The following PALD1 variants were observed in gnomAD, a reference collection of about 807,000 sequenced individuals.
PALD1 encodes paladin.
In PALD1, 57 loss-of-function variants were observed where a neutral mutation model predicts 96.0. The ratio of observed to expected loss-of-function variants is 0.59; its 90% confidence interval spans 0.48 to 0.74. The LOEUF (loss-of-function observed/expected upper bound fraction) is 0.74. Ranked by LOEUF, PALD1 falls within the 30% of genes least tolerant of loss-of-function variation. PALD1 has a pLI of 0.00. For synonymous variants in PALD1, 464 were observed against 473.6 expected (o/e 0.98, Z 0.26); for missense variants, 1,063 against 1,143.7 (o/e 0.93, Z 1.02).
At chr10:70,477,392 A>C (rs1057297146), upstream of PALD1, among the ~76,000 whole-genome samples, 8 of 152,210 alleles carry the variant, frequency 5.3e-5, no homozygotes, top group Admixed American at 5.2e-4. Context: ...ACAGCCAGTA[A>C]ATTGTGAGCC....
chr10:70,475,758 G>A (rs1023210175), upstream of PALD1, among the ~76,000 whole-genome samples: 1 of 152,116 alleles, frequency 6.6e-6, no homozygotes, highest in African/African-American at 2.4e-5. Context: ...ACTGAACTTG[G>A]GAGCTCTCTC....
intron 19 of PALD1, among the ~76,000 whole-genome samples, chr10:70,564,920 A>G (rs1847814413): frequency 6.6e-6 from 1 of 152,130 alleles, no homozygotes; most frequent in Admixed American, 6.5e-5. Context: ...GTGCTCCGCG[A>G]GGGCCTAGGG....
the PALD1 span, among the ~76,000 whole-genome samples, chr10:70,470,985 T>G: frequency 3.9e-4 from 60 of 152,028 alleles, no homozygotes; most frequent in African/African-American, 1.3e-3. Context: ...TTTTTTTTTT[T>G]TTTGTGGTAC....
At chr10:70,520,690 T>C (rs931901789) in intron 1 of PALD1, among the ~76,000 whole-genome samples, 149 of 107,440 alleles carry the variant, frequency 1.4e-3, no homozygotes, top group South Asian at 3.2e-3. Context: ...TCTTTCTTTT[T>C]TTTTTTTTTT....
rs373563162 is a variant in PALD1 at position 70,536,387 on chromosome 10, G to T, written c.1228-1424G>T. On this transcript the variant is annotated intron_variant, in intron 10 of 19. Transcript: ENST00000263563. ...ACAGAGTCCCTGGAATGTCACCCCTGCTGTGATTTACTAAACAGTCCCCCT... is the reference window on the plus strand; with the variant it reads ...ACAGAGTCCCTGGAATGTCACCCCTTCTGTGATTTACTAAACAGTCCCCCT... Among the ~76,000 whole-genome samples the T allele has an allele frequency of 7.6e-4, 115 of 152,302 alleles. 2 individuals are homozygous for T. In the South Asian group the frequency reaches 0.023, roughly 31 times the overall value.
the PALD1 span, among the ~76,000 whole-genome samples, chr10:70,473,212 C>T: frequency 3.9e-5 from 6 of 152,218 alleles, no homozygotes; most frequent in African/African-American, 1.4e-4. Flanking sequence ...ATCGTGCTTC[C>T]CCAGCACCCT....
At chr10:70,566,511 C>A (rs1847856613) in intron 19 of PALD1, 70 bp from the exon 20 acceptor site, 16 of 1,208,706 alleles carry the variant, frequency 1.3e-5, no homozygotes, top group Non-Finnish European at 1.9e-5. Flanking sequence ...GACTCATCTT[C>A]AGAACTCAGT....
chr10:70,472,847 A>G, the PALD1 span, among the ~76,000 whole-genome samples: 1,126 of 152,294 alleles, frequency 7.4e-3, 16 homozygotes, highest in South Asian at 0.052. Context: ...AGCATTGGAG[A>G]GGAATCTTCT....
chr10:70,499,693 G>A (rs890566380), intron 1 of PALD1, among the ~76,000 whole-genome samples: 50 of 152,202 alleles, frequency 3.3e-4, no homozygotes, highest in Admixed American at 1.8e-3. Flanking sequence ...TTGCTCCCCT[G>A]CCCGAAGCTG....
intron 1 of PALD1, among the ~76,000 whole-genome samples, chr10:70,514,127 G>C (rs7906794): frequency 6.6e-6 from 1 of 152,192 alleles, no homozygotes; most frequent in Non-Finnish European, 1.5e-5. Context: ...TCTGCGGGCC[G>C]TCCGGTCATT....
At chr10:70,476,836 C>T (rs1364987310), upstream of PALD1, among the ~76,000 whole-genome samples, 3 of 152,030 alleles carry the variant, frequency 2.0e-5, no homozygotes, top group Non-Finnish European at 2.9e-5. Context: ...AGAGGCACAC[C>T]GCCGTGGATC....
At chr10:70,512,173 C>G (rs1846528345) in intron 1 of PALD1, among the ~76,000 whole-genome samples, 1 of 152,210 alleles carries the variant, frequency 6.6e-6, no homozygotes, top group Non-Finnish European at 1.5e-5. Flanking sequence ...CATAGCAGTA[C>G]TGTTAGCCTG....
At chr10:70,470,139 T>A in the PALD1 span, among the ~76,000 whole-genome samples, 1 of 152,206 alleles carries the variant, frequency 6.6e-6, no homozygotes, top group Non-Finnish European at 1.5e-5. Context: ...CATCGTATTC[T>A]GATGGCAGAA....
chr10:70,564,434 A>G lies in PALD1; in HGVS notation c.2333A>G (p.Tyr778Cys), dbSNP rs1473822842. The G allele has an allele frequency of 6.2e-7, 1 of 1,614,116 alleles. No homozygotes were observed. Among genetic ancestry groups the G allele is most frequent in the South Asian group, 1.1e-5 (1 of 91,080 alleles). ...QLRSLQYLERYVCLILFNAYL... is the reference protein window; with the variant it reads ...QLRSLQYLERCVCLILFNAYL... Reference sequence around the variant, plus strand: ...CGGAGCCTGCAGTACTTGGAGCGCTATGTCTGCCTGATTCTCTTCAACGCG... The same window carrying G: ...CGGAGCCTGCAGTACTTGGAGCGCTGTGTCTGCCTGATTCTCTTCAACGCG... Residue 778 changes from tyrosine to cysteine, a missense_variant, in exon 19 of 20, where the codon TAT (tyrosine) becomes TGT (cysteine). Physicochemically the swap from Tyr to Cys is radical, Grantham distance 194 (BLOSUM62 -2). Transcript: ENST00000263563.
chr10:70,539,136 G>C lies in PALD1; in HGVS notation c.1614G>C (p.Arg538Ser). 1 of 1,613,822 alleles carries C rather than the reference G, an allele frequency of 6.2e-7. No individual in the cohort carries two copies. The highest frequency in any genetic ancestry group is 8.5e-7 in the Non-Finnish European group (1 of 1,179,850). The change falls in exon 14 of 20, where the codon AGG becomes AGC. Residue 538 changes from arginine (R) to serine (S), a missense_variant. Transcript: ENST00000263563. This position sits in a 1 kb window ranked among gnomAD's most constrained non-coding sequence, Gnocchi z 4.5. ...ILAYLTDAKR[R>S]LRKVVWVSLR... ...CCTACCTGACGGACGCCAAGAGGAG[G>C]CTGCGGAAGGTTGTCTGGGTGAGCC... is the stretch of plus-strand genomic sequence containing the variant.
At chr10:70,466,031 G>C in the PALD1 span, among the ~76,000 whole-genome samples, 5 of 152,194 alleles carry the variant, frequency 3.3e-5, no homozygotes, top group East Asian at 9.6e-4. Context: ...GGCTGTCACC[G>C]GGGAGGCTGG....
the PALD1 span, among the ~76,000 whole-genome samples, chr10:70,458,585 C>T: frequency 3.3e-5 from 5 of 152,188 alleles, no homozygotes; most frequent in African/African-American, 9.6e-5. Flanking sequence ...TCCCGCCGGG[C>T]GGGTGGCGTT....
At chr10:70,534,173 G>A (rs1847058265) in intron 8 of PALD1, 100 bp downstream of exon 8, 1 of 1,360,250 alleles carries the variant, frequency 7.4e-7, no homozygotes, top group Non-Finnish European at 9.8e-7. Flanking sequence ...CAGAGCCAGA[G>A]CTGGAAATTT....
the PALD1 span, among the ~76,000 whole-genome samples, chr10:70,459,802 C>A: frequency 1.3e-5 from 2 of 152,074 alleles, no homozygotes; most frequent in Admixed American, 1.3e-4. Flanking sequence ...TCCTCCGTTC[C>A]CCCACGTACT....
Sources: allele counts gnomAD v4.1 joint callset (sites outside exome capture counted in the v4.1 genomes callset), GRCh38; gene constraint gnomAD v4.1.1; non-coding constraint Gnocchi (gnomAD v3.1); transcripts MANE v1.5; gene names NCBI Gene and HGNC (gene_info 2026-07-23, HGNC 2026-07-21).